Variants in CYYR1 observed in about 807,000 individuals in gnomAD.
CYYR1 encodes the protein cysteine and tyrosine-rich protein 1.
Under a neutral mutation model 15.2 loss-of-function variants are expected in CYYR1, and 14 were observed. The ratio of observed to expected loss-of-function variants is 0.92; its 90% CI spans 0.61 to 1.44. The LOEUF is 1.44. Among genes scored for constraint, CYYR1 ranks in the 40% most tolerant of loss-of-function variants. CYYR1 has a pLI of 0.00. For missense variants in CYYR1, 228 were observed against 209.5 expected (o/e 1.09, Z -0.54); for synonymous variants, 80 against 77.4 (o/e 1.03, Z -0.18).
intron 2 of CYYR1, among the ~76,000 whole-genome samples, chr21:26,510,260 A>G (rs1841669029): frequency 6.6e-6 from 1 of 152,218 alleles, no homozygotes; most frequent in South Asian, 2.1e-4. Flanking sequence ...ATAAGATAAA[A>G]TGAATTACAT....
At chr21:26,525,006 T>G (rs1483475873) in intron 2 of CYYR1, among the ~76,000 whole-genome samples, 1 of 152,192 alleles carries the variant, frequency 6.6e-6, no homozygotes, top group Non-Finnish European at 1.5e-5. Context: ...GAATGGGAGT[T>G]GTAGAACATT....
intron 2 of CYYR1, among the ~76,000 whole-genome samples, chr21:26,561,104 T>C (rs1980164965): frequency 6.6e-6 from 1 of 152,170 alleles, no homozygotes; most frequent in Non-Finnish European, 1.5e-5. Flanking sequence ...CATTTGAAAA[T>C]CACTGACTTC....
chr21:26,559,311 C>T (rs529373173), intron 2 of CYYR1, among the ~76,000 whole-genome samples: 79 of 152,208 alleles, frequency 5.2e-4, no homozygotes, highest in Non-Finnish European at 9.9e-4. Flanking sequence ...TCAGGCATTG[C>T]GGATACTAAT....
intron 3 of CYYR1, chr21:26,478,074 C>T: frequency 6.5e-7 from 1 of 1,549,506 alleles, no homozygotes; most frequent in Non-Finnish European, 8.7e-7. Context: ...CCTGGTCTTA[C>T]ATGCTTGGAA....
At chr21:26,478,792 C>T (rs1216359076) in intron 3 of CYYR1, among the ~76,000 whole-genome samples, 3 of 152,098 alleles carry the variant, frequency 2.0e-5, no homozygotes, top group Non-Finnish European at 4.4e-5. Context: ...ACAATATCTA[C>T]TTCTCACTGT....
At chr21:26,508,498 T>G (rs2065600145) in intron 2 of CYYR1, among the ~76,000 whole-genome samples, 1 of 152,180 alleles carries the variant, frequency 6.6e-6, no homozygotes, top group Admixed American at 6.5e-5. Flanking sequence ...GGTTTCTGAC[T>G]TAAGCTATTG....
At chr21:26,486,151 G>T (rs1356159187) in intron 2 of CYYR1, among the ~76,000 whole-genome samples, 3 of 152,032 alleles carry the variant, frequency 2.0e-5, no homozygotes, top group African/African-American at 7.2e-5. Context: ...TTACTGTTGA[G>T]TTTTTGAGAA....
chr21:26,572,921 G>A lies in CYYR1; in HGVS notation c.20C>T (p.Pro7Leu), dbSNP rs1981100094. The A allele has an allele frequency of 2.5e-6, 4 of 1,614,056 alleles. No homozygotes were observed. The highest frequency in any genetic ancestry group is 1.3e-5 in the African/African-American group (1 of 75,044). MDAPRL[P>L]VRPGVLLPKL... ...CGGAAGCAAGACCCCTGGACGCACG[G>A]GTAGCCTCGGAGCGTCCATCCAAGC... is the stretch of plus-strand genomic sequence containing the variant. Residue 7 changes from proline to leucine, a missense_variant, in exon 1 of 4, where the codon CCC becomes CTC. Transcript: ENST00000652641.
intron 2 of CYYR1, among the ~76,000 whole-genome samples, chr21:26,526,094 G>A (rs2065861047): frequency 6.6e-6 from 1 of 152,028 alleles, no homozygotes; most frequent in Admixed American, 6.6e-5. Flanking sequence ...GAAATAATCT[G>A]TACAACAAAC....
rs1981095975 is a variant in CYYR1, at chr21:26,572,889, C to A, written c.52G>T (p.Val18Phe). ...TGACCTGCGTAGACAAAGAGCAGGA[C>A]CAACTTCGGAAGCAAGACCCCTGGA... ...VRPGVLLPKLVLLFVYADDCL... is the reference protein window; with the variant it reads ...VRPGVLLPKLFLLFVYADDCL... The change falls in exon 1 of 4, where the codon GTC becomes TTC. Residue 18 changes from valine to phenylalanine, a missense_variant. Val to Phe is a conservative substitution (Grantham distance 50, BLOSUM62 -1). Coordinates refer to ENST00000652641, the MANE Select transcript of CYYR1 (RefSeq NM_001320768.2). 6.2e-7 allele frequency: 1 copy of A among 1,613,986 alleles called. No homozygotes were observed. Among genetic ancestry groups the A allele is most frequent in the African/African-American group, 1.3e-5 (1 of 74,924 alleles).
intron 2 of CYYR1, chr21:26,483,417 A>C (rs896062402): frequency 2.0e-5 from 19 of 943,110 alleles, no homozygotes; most frequent in Non-Finnish European, 2.3e-5. Flanking sequence ...CCTATCAAAA[A>C]AAAAAAAAAA....
At chr21:26,533,106 T>C (rs1183107626) in intron 2 of CYYR1, among the ~76,000 whole-genome samples, 1 of 151,382 alleles carries the variant, frequency 6.6e-6, no homozygotes, top group Non-Finnish European at 1.5e-5. Flanking sequence ...ATGAGCCAAT[T>C]CCCATAATGG....
rs559821669 is a variant in CYYR1 at position 26,544,137 on chromosome 21, G to A, written c.176+22129C>T. On this transcript the variant is annotated intron_variant, in intron 2 of 3. Transcript: ENST00000652641. ...AGAATTTTAATGGCGATATTTTACC[G>A]TTCTGAAGACTAAAACATTTTGAGA... 9.2e-5 allele frequency among the ~76,000 whole-genome samples: 14 copies of A among 152,164 alleles called. No individual in the cohort carries two copies. The South Asian group carries it at 1.5e-3, about 16-fold the overall frequency.
intron 2 of CYYR1, among the ~76,000 whole-genome samples, chr21:26,495,647 G>A (rs1170318236): frequency 2.0e-5 from 3 of 152,216 alleles, no homozygotes; most frequent in African/African-American, 7.2e-5. Context: ...CAATATGGAA[G>A]GAGGCGGAGT....
rs1005380905 is a variant in CYYR1, at chr21:26,552,747, T to C, written c.176+13519A>G. On this transcript the variant is annotated intron_variant, in intron 2 of 3. Transcript: ENST00000652641. The stretch of plus-strand genomic sequence containing the variant: ...ATTTTGTATCATTTTAGTTGGAATA[T>C]AGAAACCTTATCATCTTATTGATCC... Among the ~76,000 whole-genome samples the C allele has an allele frequency of 1.4e-4, 22 of 152,136 alleles. 1 individual carries two copies. Among genetic ancestry groups the C allele is most frequent in the African/African-American group, 5.3e-4 (22 of 41,448 alleles).
chr21:26,509,981 G>A (rs1036422346), intron 2 of CYYR1, among the ~76,000 whole-genome samples: 11 of 152,178 alleles, frequency 7.2e-5, no homozygotes, highest in African/African-American at 2.7e-4. Context: ...GCAGTGTGAT[G>A]CAATGTAGGG....
chr21:26,506,911 G>C (rs982670927), intron 2 of CYYR1, among the ~76,000 whole-genome samples: 2 of 152,094 alleles, frequency 1.3e-5, no homozygotes, highest in Non-Finnish European at 2.9e-5. Flanking sequence ...TGATCACAGA[G>C]AAAGTAGAAA....
At chr21:26,488,560 C>T (rs1199431614) in intron 2 of CYYR1, among the ~76,000 whole-genome samples, 1 of 152,050 alleles carries the variant, frequency 6.6e-6, no homozygotes, top group African/African-American at 2.4e-5. Context: ...GCGAGTACTA[C>T]ATCTTCCAGG....
At chr21:26,485,771 G>GTACA (rs2065240718) in intron 2 of CYYR1, among the ~76,000 whole-genome samples, 1 of 152,190 alleles carries the variant, frequency 6.6e-6, no homozygotes, top group East Asian at 1.9e-4. Flanking sequence ...AAACAATCAT[G>GTACA]TACAGATTTT....
Sources: gnomAD v4.1 joint callset for allele counts (sites outside exome capture counted in the v4.1 genomes callset) on GRCh38, gnomAD v4.1.1 for gene constraint, MANE v1.5 for transcripts, NCBI Gene and HGNC (gene_info 2026-07-23, HGNC 2026-07-21) for gene names.